The following C19orf47 variants were observed in gnomAD, a reference collection of about 807,000 sequenced individuals.
C19orf47 encodes the protein chromosome 19 open reading frame 47, also known as uncharacterized protein C19orf47.
C19orf47 carries 18 observed loss-of-function variants against 32.3 expected under a neutral mutation model. The observed-to-expected ratio is 0.56, with a 90% CI of 0.39 to 0.83. The LOEUF (loss-of-function observed/expected upper bound fraction) is 0.83, where lower values mean the gene tolerates loss of function less well. C19orf47 is among the 40% of genes least tolerant of loss of function. The pLI, the probability that C19orf47 is intolerant of heterozygous loss-of-function variation, is 0.00. For missense variants in C19orf47, 484 were observed against 531.6 expected (o/e 0.91, Z 0.88); for synonymous variants, 202 against 211.1 (o/e 0.96, Z 0.37).
the C19orf47 span, among the ~76,000 whole-genome samples, chr19:40,309,548 T>C: frequency 2.4e-4 from 37 of 152,110 alleles, 1 homozygote; most frequent in African/African-American, 8.9e-4. Flanking sequence ...TTTGCATCAT[T>C]TGAGTGTCAA....
chr19:40,334,522 T>A (rs1016829207), intron 4 of C19orf47, among the ~76,000 whole-genome samples: 1 of 151,832 alleles, frequency 6.6e-6, no homozygotes, highest in Non-Finnish European at 1.5e-5. Flanking sequence ...CCGGGGCAGG[T>A]GGATCACCTG....
At chr19:40,327,170 C>A (rs112979901) in intron 6 of C19orf47, among the ~76,000 whole-genome samples, 1 of 151,450 alleles carries the variant, frequency 6.6e-6, no homozygotes, top group Non-Finnish European at 1.5e-5. Context: ...TGCGCCACCA[C>A]GCCCAGCTAA....
intron 1 of C19orf47, among the ~76,000 whole-genome samples, chr19:40,347,064 G>C (rs1034586666): frequency 6.6e-6 from 1 of 152,036 alleles, no homozygotes; most frequent in South Asian, 2.1e-4. Flanking sequence ...CTGACAACAG[G>C]GAATCACACA....
chr19:40,344,307 C>T (rs1366764070), intron 1 of C19orf47, among the ~76,000 whole-genome samples: 3 of 151,454 alleles, frequency 2.0e-5, no homozygotes, highest in Non-Finnish European at 2.9e-5. Context: ...GGTGAAACCC[C>T]ATCTCTACTA....
At chr19:40,298,232 C>T in the C19orf47 span, among the ~76,000 whole-genome samples, 2 of 148,758 alleles carry the variant, frequency 1.3e-5, no homozygotes, top group Admixed American at 6.9e-5. Flanking sequence ...ACCCAGGAGG[C>T]GGAGGTTGCA....
At chr19:40,304,944 G>A in the C19orf47 span, among the ~76,000 whole-genome samples, 7 of 152,248 alleles carry the variant, frequency 4.6e-5, no homozygotes, top group Middle Eastern at 6.8e-3. Flanking sequence ...TGTTTACCGA[G>A]TTGGCCAGGC....
chr19:40,305,825 C>T, the C19orf47 span, among the ~76,000 whole-genome samples: 1 of 152,058 alleles, frequency 6.6e-6, no homozygotes, highest in Non-Finnish European at 1.5e-5. Context: ...TGTTAAATTT[C>T]TTGTTTTGAT....
At chr19:40,297,484 CA>C in the C19orf47 span, among the ~76,000 whole-genome samples, 1 of 152,148 alleles carries the variant, frequency 6.6e-6, no homozygotes, top group Non-Finnish European at 1.5e-5. Context: ...GAGTGGATCA[CA>C]AGGTCAGGAG....
the C19orf47 span, among the ~76,000 whole-genome samples, chr19:40,312,150 T>G: frequency 6.6e-6 from 1 of 152,196 alleles, no homozygotes; most frequent in Admixed American, 6.5e-5. Flanking sequence ...AGATGTTGAC[T>G]TCCTCTTACT....
intron 5 of C19orf47, among the ~76,000 whole-genome samples, chr19:40,331,274 T>C (rs2145563097): frequency 6.6e-6 from 1 of 152,322 alleles, no homozygotes; most frequent in East Asian, 1.9e-4. Flanking sequence ...ACCACCACTG[T>C]GAACAAGCCC....
chr19:40,346,898 G>A (rs766044766), intron 1 of C19orf47, among the ~76,000 whole-genome samples: 39 of 149,962 alleles, frequency 2.6e-4, no homozygotes, highest in Admixed American at 2.0e-3. Context: ...AAAGATGCAC[G>A]GCAGGTGGTT....
intron 8 of C19orf47, among the ~76,000 whole-genome samples, chr19:40,323,430 C>T (rs2077762873): frequency 6.6e-6 from 1 of 152,236 alleles, no homozygotes; most frequent in African/African-American, 2.4e-5. Flanking sequence ...CTGAGCTACA[C>T]ACCAGGCCTG....
intron 2 of C19orf47, among the ~76,000 whole-genome samples, chr19:40,337,978 T>G (rs2078099042): frequency 6.6e-6 from 1 of 152,138 alleles, no homozygotes; most frequent in African/African-American, 2.4e-5. Flanking sequence ...CACCACATAA[T>G]GATTCCATGT....
At chr19:40,327,355 T>A (rs2077855527) in intron 6 of C19orf47, among the ~76,000 whole-genome samples, 1 of 148,234 alleles carries the variant, frequency 6.7e-6, no homozygotes, top group African/African-American at 2.5e-5. Flanking sequence ...GGTTTCATCA[T>A]CTTGTGCAGG....
downstream of C19orf47, among the ~76,000 whole-genome samples, chr19:40,317,490 G>A (rs774792285): frequency 6.6e-6 from 1 of 152,090 alleles, no homozygotes; most frequent in African/African-American, 2.4e-5. Flanking sequence ...TACCCCTGTG[G>A]GTCATGGCTG....
intron 2 of C19orf47, among the ~76,000 whole-genome samples, chr19:40,340,780 A>G (rs2078161398): frequency 6.6e-6 from 1 of 151,568 alleles, no homozygotes; most frequent in Non-Finnish European, 1.5e-5. Context: ...GGAGTTCAAG[A>G]CCAGCCCAGG....
At chr19:40,317,728 G>GTTTTTTTTTTTT (rs760108426), downstream of C19orf47, among the ~76,000 whole-genome samples, 16 of 143,092 alleles carry the variant, frequency 1.1e-4, no homozygotes, top group African/African-American at 3.6e-4. Context: ...TTTTTTTTTT[G>GTTTTTTTTTTTT]TTTTTTTTTT....
At chr19:40,314,931 G>A (rs906710957), downstream of C19orf47, among the ~76,000 whole-genome samples, 6 of 152,144 alleles carry the variant, frequency 3.9e-5, no homozygotes, top group Non-Finnish European at 7.3e-5. Flanking sequence ...GTGTAATCAT[G>A]AGAAAAATAT....
the C19orf47 span, among the ~76,000 whole-genome samples, chr19:40,308,905 A>AT: frequency 6.6e-6 from 1 of 152,118 alleles, no homozygotes; most frequent in East Asian, 2.0e-4. Flanking sequence ...CCCTGTCTCT[A>AT]CAAAAAATTA....
Sources: gnomAD v4.1 joint callset for allele counts (sites outside exome capture counted in the v4.1 genomes callset) on GRCh38, gnomAD v4.1.1 for gene constraint, MANE v1.5 for transcripts, NCBI Gene and HGNC (gene_info 2026-07-23, HGNC 2026-07-21) for gene names.